Variants in EPC2 observed in about 807,000 individuals in gnomAD.
The protein encoded by EPC2 is enhancer of polycomb homolog 2.
EPC2 carries 14 observed loss-of-function variants against 92.1 expected under a neutral mutation model. That is an observed-to-expected ratio of 0.15 (90% CI 0.10 to 0.24). The LOEUF is 0.24. Ranked by LOEUF, EPC2 falls within the 10% of genes least tolerant of loss-of-function variation. EPC2 has a pLI of 1.00. For missense variants in EPC2, 755 were observed against 971.5 expected, an observed-to-expected ratio of 0.78 and a Z score of 2.96; for synonymous variants, 340 against 334.7, an observed-to-expected ratio of 1.02 and a Z score of -0.17.
chr2:148,683,684 T>C (rs538308173), intron 1 of EPC2, among the ~76,000 whole-genome samples: 4 of 152,346 alleles, frequency 2.6e-5, no homozygotes, highest in Admixed American at 2.6e-4. Flanking sequence ...TCTTCAACTC[T>C]ATCCAGGTTG....
chr2:148,661,695 T>TTATG (rs61606486), intron 1 of EPC2, among the ~76,000 whole-genome samples: 27,895 of 151,936 alleles, frequency 0.18, 3,249 homozygotes, highest in East Asian at 0.49. Context: ...AATACATATA[T>TTATG]TATGTAATAC....
chr2:148,716,447 G>T (rs1682263128), intron 2 of EPC2, among the ~76,000 whole-genome samples: 1 of 152,182 alleles, frequency 6.6e-6, no homozygotes, highest in Non-Finnish European at 1.5e-5. Context: ...ATGTTGAATT[G>T]TATTGAAGGC....
chr2:148,775,249 T>C (rs187044694), intron 10 of EPC2, among the ~76,000 whole-genome samples: 156 of 152,290 alleles, frequency 1.0e-3, no homozygotes, highest in African/African-American at 3.5e-3. Context: ...CTGTGTTAAA[T>C]GTTTAAAAGT....
At chr2:148,662,365 G>C (rs1680954908) in intron 1 of EPC2, among the ~76,000 whole-genome samples, 1 of 152,158 alleles carries the variant, frequency 6.6e-6, no homozygotes, top group Non-Finnish European at 1.5e-5. Flanking sequence ...GACACATGGA[G>C]ATGTATGTTT....
At chr2:148,776,531 T>C (rs114049094) in intron 10 of EPC2, among the ~76,000 whole-genome samples, 3,974 of 152,238 alleles carry the variant, frequency 0.026, 58 homozygotes, top group East Asian at 0.032. Flanking sequence ...AAAGGTCATG[T>C]CAACCCTCCT....
At chr2:148,779,002 A>G (rs369046612) in intron 10 of EPC2, among the ~76,000 whole-genome samples, 1 of 152,354 alleles carries the variant, frequency 6.6e-6, no homozygotes, top group East Asian at 1.9e-4. Context: ...TAAAAAGGTT[A>G]AGAAACACTG....
At position 148,690,374 on chromosome 2, in the gene EPC2, G is replaced by C; in HGVS notation, c.313+1G>C. 1 of 1,570,272 alleles carries C rather than the reference G, an allele frequency of 6.4e-7. No individual in the cohort carries two copies. Among genetic ancestry groups the C allele is most frequent in the Non-Finnish European group, 8.6e-7 (1 of 1,162,460 alleles). ...CCAAAACAGTTCATTCATATTCAGC[G>C]TAAGTTTGTTAATTCATTGTTTTCT... is the stretch of plus-strand genomic sequence containing the variant. On this transcript the variant is annotated splice_donor_variant, in intron 2 of 13. Coordinates refer to ENST00000258484, the MANE Select transcript of EPC2 (RefSeq NM_015630.4). LOFTEE classifies it high-confidence loss of function.
intron 3 of EPC2, among the ~76,000 whole-genome samples, chr2:148,746,853 C>G (rs1405980631): frequency 6.6e-6 from 1 of 151,822 alleles, no homozygotes; most frequent in Non-Finnish European, 1.5e-5. Flanking sequence ...AGCTTAAATG[C>G]ACACAAATGT....
intron 6 of EPC2, among the ~76,000 whole-genome samples, chr2:148,763,013 C>A (rs188129672): frequency 4.9e-4 from 74 of 152,236 alleles, no homozygotes; most frequent in Non-Finnish European, 8.1e-4. Flanking sequence ...GTTGTTGCAT[C>A]TGTGTGACTT....
At chr2:148,662,297 C>T (rs886555825) in intron 1 of EPC2, among the ~76,000 whole-genome samples, 8 of 152,120 alleles carry the variant, frequency 5.3e-5, no homozygotes, top group Admixed American at 2.0e-4. Context: ...TACCATTTGA[C>T]CCAGCCATCC....
intron 2 of EPC2, among the ~76,000 whole-genome samples, chr2:148,690,853 G>C (rs1470191129): frequency 6.6e-6 from 1 of 152,040 alleles, no homozygotes; most frequent in African/African-American, 2.4e-5. Flanking sequence ...AGTAGAGATG[G>C]GATTTCGTCT....
chr2:148,685,000 C>T (rs1681485398), intron 1 of EPC2, among the ~76,000 whole-genome samples: 1 of 152,148 alleles, frequency 6.6e-6, no homozygotes, highest in African/African-American at 2.4e-5. Context: ...TTGCACATCT[C>T]TTCACATACT....
chr2:148,656,036 G>A (rs867154289), intron 1 of EPC2, among the ~76,000 whole-genome samples: 1 of 91,392 alleles, frequency 1.1e-5, no homozygotes, highest in Non-Finnish European at 2.2e-5. Flanking sequence ...GGGGGGGGGG[G>A]GGTTATTCTA....
At position 148,739,830 on chromosome 2, in the gene EPC2, C is replaced by CTTTTTTTTT. The variant is rs879739457; in HGVS notation, c.314-3790_314-3789insTTTTTTTTT. ...TCTTTCTTCCTTTTCTTTTCTTCTT[C>CTTTTTTTTT]TTCTTTTTTTTTTTTTTTTTTTTTT... On this transcript the variant is annotated intron_variant, in intron 2 of 13. Transcript: ENST00000258484. 4.2e-4 allele frequency among the ~76,000 whole-genome samples: 41 copies of CTTTTTTTTT among 96,660 alleles called. 1 individual carries two copies. Among genetic ancestry groups the CTTTTTTTTT allele is most frequent in the Admixed American group, 9.4e-4 (6 of 6,362 alleles). The allele number at this position is 96,660 out of a possible 152,430, so 63.4% of individuals were successfully genotyped here. A position where few individuals can be genotyped will look rare whatever the true frequency, so the allele number is the denominator to read the frequency against.
chr2:148,775,151 G>A (rs1412783716), intron 10 of EPC2, among the ~76,000 whole-genome samples: 1 of 151,088 alleles, frequency 6.6e-6, no homozygotes, highest in East Asian at 1.9e-4. Context: ...GCAGGATAAA[G>A]AATAGATTGA....
At chr2:148,693,977 G>A (rs992346601) in intron 2 of EPC2, among the ~76,000 whole-genome samples, 6 of 151,986 alleles carry the variant, frequency 3.9e-5, no homozygotes, top group African/African-American at 1.5e-4. Context: ...TTGAGAGAAG[G>A]GACTTTTTTT....
chr2:148,762,877 T>C (rs959045740), intron 6 of EPC2, 75 bp downstream of exon 6: 2 of 1,459,176 alleles, frequency 1.4e-6, no homozygotes, highest in Admixed American at 2.5e-5. Flanking sequence ...TGCAGTTGTC[T>C]TAATATGGTT....
In EPC2 at chr2:148,770,854, G is replaced by A; in HGVS notation, c.1293G>A (p.Leu431=). ...ENSELADLDK[L]RYRHCLTTLT... is the part of the protein sequence containing the mutation. ...CAGAATTGGCAGATTTGGATAAGTT[G>A]AGGTATAGGCATTGCCTTACAACAC... The change falls in exon 9 of 14, where the codon TTG becomes TTA. Residue 431 remains leucine, a synonymous_variant. Coordinates refer to ENST00000258484, the MANE Select transcript of EPC2 (RefSeq NM_015630.4). The A allele has an allele frequency of 6.2e-7, 1 of 1,613,792 alleles. No homozygotes were observed. The highest frequency in any genetic ancestry group is 8.5e-7 in the Non-Finnish European group (1 of 1,179,832).
chr2:148,717,738 G>A (rs1406381961), intron 2 of EPC2, among the ~76,000 whole-genome samples: 1 of 152,192 alleles, frequency 6.6e-6, no homozygotes, highest in Non-Finnish European at 1.5e-5. Flanking sequence ...TTTGGGTGGA[G>A]AGTTCTATAG....
Sources: gnomAD v4.1 joint callset for allele counts (sites outside exome capture counted in the v4.1 genomes callset) on GRCh38, gnomAD v4.1.1 for gene constraint, MANE v1.5 for transcripts, NCBI Gene and HGNC (gene_info 2026-07-23, HGNC 2026-07-21) for gene names.